CAMTA1: variants seen among roughly 807,000 people sequenced by gnomAD.
CAMTA1 encodes the protein calmodulin-binding transcription activator 1.
CAMTA1 carries 27 observed loss-of-function variants against 170.9 expected under a neutral mutation model. The observed-to-expected ratio is 0.16, with a 90% CI of 0.12 to 0.22. The LOEUF (loss-of-function observed/expected upper bound fraction) is 0.22, where lower values mean the gene tolerates loss of function less well. Ranked by LOEUF, CAMTA1 falls within the 10% of genes least tolerant of loss-of-function variation. The probability of loss-of-function intolerance (pLI) is 1.00; values close to 1 mark genes in which losing one functional copy is unlikely to be tolerated. For synonymous variants in CAMTA1, 833 were observed against 891.5 expected (o/e 0.93, Z 1.17); for missense variants, 1,619 against 2,217.2 (o/e 0.73, Z 5.42).
Position 7,322,795 on chromosome 1 carries a change from T to G in CAMTA1, c.438+73169T>G, listed in dbSNP as rs1557514358. ...AATTGTACCTTTCTTCTTCTTCCCT[T>G]AATAAGAATTACCAGAGATTTGTCA... On this transcript the variant is annotated intron_variant, in intron 5 of 22. Coordinates refer to ENST00000303635, the MANE Select transcript of CAMTA1 (RefSeq NM_015215.4). Among the ~76,000 whole-genome samples, 4 of 152,248 alleles carry G rather than the reference T, an allele frequency of 2.6e-5. No individual in the cohort carries two copies. The South Asian group carries it at 8.3e-4, about 32-fold the overall frequency.
At chr1:7,409,525 C>T (rs144525512) in intron 5 of CAMTA1, among the ~76,000 whole-genome samples, 1 of 68,358 alleles carries the variant, frequency 1.5e-5, no homozygotes, top group Non-Finnish European at 3.2e-5. Flanking sequence ...TCACCTGACA[C>T]TTGCAGGCTC....
chr1:7,360,689 C>A (rs2085475365), intron 5 of CAMTA1, among the ~76,000 whole-genome samples: 1 of 152,194 alleles, frequency 6.6e-6, no homozygotes, highest in Non-Finnish European at 1.5e-5. Context: ...TTCACCCTGT[C>A]CCTCTTAGCC....
At chr1:6,969,770 C>T (rs779988976) in intron 3 of CAMTA1, among the ~76,000 whole-genome samples, 1 of 152,144 alleles carries the variant, frequency 6.6e-6, no homozygotes, top group Non-Finnish European at 1.5e-5. Context: ...TGGGTGTAGA[C>T]CATAGTTAGA....
At chr1:7,449,831 C>CAGTGG (rs1235413176) in intron 5 of CAMTA1, among the ~76,000 whole-genome samples, 3 of 151,538 alleles carry the variant, frequency 2.0e-5, no homozygotes, top group African/African-American at 7.3e-5. Flanking sequence ...GCCCAGTACT[C>CAGTGG]AGTGGAACGG....
chr1:6,833,495 A>G (rs948651292), intron 3 of CAMTA1, among the ~76,000 whole-genome samples: 8 of 152,198 alleles, frequency 5.3e-5, no homozygotes, highest in African/African-American at 1.7e-4. Flanking sequence ...TTTTGCCAAA[A>G]CTAAATTGTC....
At position 6,981,877 on chromosome 1, in the gene CAMTA1, C is replaced by T. The variant is rs146574952; in HGVS notation, c.235-109427C>T. ...CCAAGTAGCTAGGATAACAGGTGCACACCACCATGCCCCACTAATTTTTAA... is the reference window on the plus strand; with the variant it reads ...CCAAGTAGCTAGGATAACAGGTGCATACCACCATGCCCCACTAATTTTTAA... On this transcript the variant is annotated intron_variant, in intron 3 of 22. Transcript: ENST00000303635. Among the ~76,000 whole-genome samples the T allele has an allele frequency of 5.1e-3, 769 of 152,090 alleles. 12 individuals are homozygous for T. The highest frequency in any genetic ancestry group is 0.017 in the African/African-American group (722 of 41,470).
intron 6 of CAMTA1, among the ~76,000 whole-genome samples, chr1:7,618,373 G>T (rs1330141338): frequency 6.6e-6 from 1 of 152,266 alleles, no homozygotes; most frequent in Admixed American, 6.5e-5. Flanking sequence ...GGATCGGGAG[G>T]CCCTCTTTTC....
chr1:7,408,807 G>A (rs1210450756), intron 5 of CAMTA1, among the ~76,000 whole-genome samples: 1 of 152,216 alleles, frequency 6.6e-6, no homozygotes, highest in African/African-American at 2.4e-5. Flanking sequence ...TGAATTGGCA[G>A]GTGGGGAAAC....
intron 6 of CAMTA1, among the ~76,000 whole-genome samples, chr1:7,484,933 T>C (rs1219572865): frequency 6.6e-6 from 1 of 151,930 alleles, no homozygotes; most frequent in Non-Finnish European, 1.5e-5. Flanking sequence ...ATCAGTTGAG[T>C]TGTACACTGT....
intron 3 of CAMTA1, among the ~76,000 whole-genome samples, chr1:7,055,942 G>T (rs1373016278): frequency 1.3e-5 from 2 of 152,134 alleles, no homozygotes; most frequent in Non-Finnish European, 2.9e-5. Context: ...CACAAGGAGG[G>T]CTGGTCAGAG....
At position 7,650,021 on chromosome 1, in the gene CAMTA1, G is replaced by A. The variant is rs888640346; in HGVS notation, c.664+9468G>A. On this transcript the variant is annotated intron_variant, in intron 7 of 22. Transcript: ENST00000303635. ...CTGTGGACCGAGCCTGGCTTCCTGCGGCGCTACCTCCCCACACACCAGGAG... is the reference window on the plus strand; with the variant it reads ...CTGTGGACCGAGCCTGGCTTCCTGCAGCGCTACCTCCCCACACACCAGGAG... Among the ~76,000 whole-genome samples the A allele has an allele frequency of 5.9e-5, 9 of 152,184 alleles. No homozygotes were observed. In the South Asian group the frequency reaches 6.2e-4, roughly 11 times the overall value.
rs1455793005 is a variant in CAMTA1, at chr1:7,680,415, A to C, written c.2914+2682A>C. On this transcript the variant is annotated intron_variant, in intron 11 of 22. Coordinates refer to ENST00000303635, the MANE Select transcript of CAMTA1 (RefSeq NM_015215.4). This position sits in a 1 kb window ranked among gnomAD's most constrained non-coding sequence, Gnocchi z 4.4. ...GCCAGGGGACTGCAGCGCGGAGCAA[A>C]CTGGGGCACGGCTGCCGGCGGCGCG... Among the ~76,000 whole-genome samples the C allele has an allele frequency of 6.6e-6, 1 of 151,908 alleles. No individual in the cohort carries two copies. The highest frequency in any genetic ancestry group is 1.5e-5 in the Non-Finnish European group (1 of 67,936).
chr1:7,653,961 G>A (rs751832031), intron 7 of CAMTA1, among the ~76,000 whole-genome samples: 6 of 152,146 alleles, frequency 3.9e-5, no homozygotes, highest in Non-Finnish European at 8.8e-5. Flanking sequence ...TCCCACGAGG[G>A]CCCCTTAGGA....
chr1:7,704,081 C>T (rs568146647), intron 11 of CAMTA1, among the ~76,000 whole-genome samples: 1 of 151,964 alleles, frequency 6.6e-6, no homozygotes, highest in African/African-American at 2.4e-5. Context: ...CGGGCCCCGG[C>T]CCCCTCCCTC....
chr1:7,582,031 G>T (rs2095265502), intron 6 of CAMTA1, among the ~76,000 whole-genome samples: 2 of 152,120 alleles, frequency 1.3e-5, no homozygotes, highest in South Asian at 4.1e-4. Flanking sequence ...GGCTTTCTGG[G>T]GATACGTTCC....
chr1:7,202,041 T>C (rs1192590677), intron 4 of CAMTA1, among the ~76,000 whole-genome samples: 1 of 152,220 alleles, frequency 6.6e-6, no homozygotes, highest in Non-Finnish European at 1.5e-5. Context: ...CTTTGATCCA[T>C]CTGTTTTGAG....
chr1:7,417,125 G>A (rs1383880175), intron 5 of CAMTA1, among the ~76,000 whole-genome samples: 4 of 152,242 alleles, frequency 2.6e-5, no homozygotes, highest in South Asian at 2.1e-4. Flanking sequence ...CTGCCTGATC[G>A]TTCCTCTGGA....
chr1:7,765,779 G>A (rs1577532408), intron 22 of CAMTA1, among the ~76,000 whole-genome samples: 2 of 152,174 alleles, frequency 1.3e-5, no homozygotes, highest in East Asian at 3.8e-4. Context: ...TGTAATCCCA[G>A]CACTTTGGGA....
At chr1:7,359,844 G>C (rs1055314897) in intron 5 of CAMTA1, among the ~76,000 whole-genome samples, 3 of 152,158 alleles carry the variant, frequency 2.0e-5, no homozygotes, top group African/African-American at 7.2e-5. Context: ...TTCAGAGCTA[G>C]TGGGTTGGTT....
Sources: gnomAD v4.1 joint callset for allele counts (sites outside exome capture counted in the v4.1 genomes callset) on GRCh38, gnomAD v4.1.1 for gene constraint, Gnocchi (gnomAD v3.1) non-coding constraint, MANE v1.5 for transcripts, NCBI Gene and HGNC (gene_info 2026-07-23, HGNC 2026-07-21) for gene names.